SPMIP2: variants seen among roughly 807,000 people sequenced by gnomAD.
SPMIP2 encodes the protein sperm microtubule inner protein 2, also known as protein SPMIP2.
chr4:159,007,934 T>C, the SPMIP2 span: 1 of 398,088 alleles, frequency 2.5e-6, no homozygotes, highest in Non-Finnish European at 4.9e-6. Context: ...CAGTAAAATG[T>C]CTTTAAGAAA....
At chr4:159,007,243 T>C in the SPMIP2 span, 6 of 1,391,956 alleles carry the variant, frequency 4.3e-6, no homozygotes, top group Admixed American at 6.9e-5. Context: ...GAAAATCATA[T>C]ACTTGAATCA....
the SPMIP2 span, among the ~76,000 whole-genome samples, chr4:159,057,003 C>T: frequency 1.1e-4 from 16 of 152,086 alleles, no homozygotes; most frequent in Non-Finnish European, 2.2e-4. Context: ...GGACTTGAAC[C>T]CAGGTCCTCT....
At chr4:158,921,884 CTTT>C in the SPMIP2 span, among the ~76,000 whole-genome samples, 169 of 91,328 alleles carry the variant, frequency 1.9e-3, 1 homozygote, top group Middle Eastern at 0.031. Flanking sequence ...CTTCTACATA[CTTT>C]TTTTTTTTTT....
At chr4:158,949,760 G>T in the SPMIP2 span, among the ~76,000 whole-genome samples, 1 of 152,174 alleles carries the variant, frequency 6.6e-6, no homozygotes, top group Non-Finnish European at 1.5e-5. Flanking sequence ...ACTCAGCCAT[G>T]CTGCATGCCT....
the SPMIP2 span, among the ~76,000 whole-genome samples, chr4:159,016,964 C>T: frequency 3.3e-5 from 5 of 152,208 alleles, no homozygotes; most frequent in East Asian, 1.9e-4. Context: ...AGCGATGAGA[C>T]GGGAGGGGCC....
At chr4:158,901,514 C>T in the SPMIP2 span, among the ~76,000 whole-genome samples, 3 of 152,004 alleles carry the variant, frequency 2.0e-5, no homozygotes, top group Admixed American at 1.3e-4. Context: ...CTCTGTATTT[C>T]CTGAATTTGA....
chr4:158,988,431 T>C, the SPMIP2 span, among the ~76,000 whole-genome samples: 95,699 of 151,852 alleles, frequency 0.63, 30,506 homozygotes, highest in Middle Eastern at 0.71. Context: ...CTGGCAGAGA[T>C]GCAACAAAAA....
chr4:158,980,637 A>C, the SPMIP2 span, among the ~76,000 whole-genome samples: 2 of 152,226 alleles, frequency 1.3e-5, no homozygotes, highest in Non-Finnish European at 1.5e-5. Flanking sequence ...CAAAACTAAC[A>C]AACAGAAATA....
chr4:158,957,041 C>T, the SPMIP2 span, among the ~76,000 whole-genome samples: 1 of 151,890 alleles, frequency 6.6e-6, no homozygotes, highest in African/African-American at 2.4e-5. Context: ...AAGTGATTCT[C>T]CTGCCTCAGT....
the SPMIP2 span, among the ~76,000 whole-genome samples, chr4:159,072,755 CTTTTTT>C: frequency 1.3e-5 from 2 of 151,842 alleles, no homozygotes; most frequent in African/African-American, 4.8e-5. Flanking sequence ...CTTATGAATT[CTTTTTT>C]CAGTGTCCCA....
At chr4:159,074,062 T>C in the SPMIP2 span, among the ~76,000 whole-genome samples, 1 of 152,170 alleles carries the variant, frequency 6.6e-6, no homozygotes, top group South Asian at 2.1e-4. Flanking sequence ...CTCTTGGTGA[T>C]AAAGGGTCCT....
At chr4:159,001,994 T>C in the SPMIP2 span, among the ~76,000 whole-genome samples, 2 of 152,202 alleles carry the variant, frequency 1.3e-5, no homozygotes, top group Non-Finnish European at 2.9e-5. Context: ...CTCGCCAGCA[T>C]CTGTTATTTT....
chr4:158,895,759 C>A, the SPMIP2 span: 1 of 1,607,074 alleles, frequency 6.2e-7, no homozygotes, highest in Non-Finnish European at 8.5e-7. Flanking sequence ...GTGCATCATG[C>A]ATCTTGAAGA....
chr4:158,939,336 A>G, the SPMIP2 span, among the ~76,000 whole-genome samples: 13 of 152,334 alleles, frequency 8.5e-5, no homozygotes, highest in African/African-American at 3.1e-4. Context: ...GATCCATAGA[A>G]CTAATCATTC....
chr4:158,993,612 A>G, the SPMIP2 span, among the ~76,000 whole-genome samples: 3 of 152,136 alleles, frequency 2.0e-5, no homozygotes, highest in Admixed American at 6.5e-5. Context: ...CAGCTACTAC[A>G]TGTCAGGCAC....
chr4:158,979,059 C>A, the SPMIP2 span, among the ~76,000 whole-genome samples: 5 of 152,162 alleles, frequency 3.3e-5, no homozygotes, highest in Non-Finnish European at 5.9e-5. Flanking sequence ...CTTTTAGAGG[C>A]ACCCTGCCCA....
the SPMIP2 span, among the ~76,000 whole-genome samples, chr4:158,931,249 A>T: frequency 2.0e-5 from 3 of 151,964 alleles, no homozygotes; most frequent in Non-Finnish European, 4.4e-5. Context: ...TATACTTCTC[A>T]ACTCCAGAAT....
At chr4:159,068,734 G>A in the SPMIP2 span, among the ~76,000 whole-genome samples, 2 of 151,726 alleles carry the variant, frequency 1.3e-5, no homozygotes, top group Admixed American at 6.6e-5. Context: ...GAGACTCAAT[G>A]AGCCAAAACT....
At chr4:158,993,221 C>T in the SPMIP2 span, among the ~76,000 whole-genome samples, 3 of 151,864 alleles carry the variant, frequency 2.0e-5, no homozygotes, top group Non-Finnish European at 4.4e-5. Flanking sequence ...TTTTAATTAG[C>T]CAGCCGCCCA....
Sources: gnomAD v4.1 joint callset for allele counts (sites outside exome capture counted in the v4.1 genomes callset) on GRCh38, gnomAD v4.1.1 for gene constraint, MANE v1.5 for transcripts, NCBI Gene and HGNC (gene_info 2026-07-23, HGNC 2026-07-21) for gene names.